The following AUTS2 variants were observed in gnomAD, a reference collection of about 807,000 sequenced individuals.
AUTS2 encodes activator of transcription and developmental regulator AUTS2, also known as autism susceptibility gene 2 protein.
In AUTS2, 17 loss-of-function variants were observed where a neutral mutation model predicts 112.4. The ratio of observed to expected loss-of-function variants is 0.15; its 90% CI spans 0.10 to 0.23. The LOEUF is 0.23. AUTS2 is among the 10% of genes least tolerant of loss of function. The pLI, the probability that AUTS2 is intolerant of heterozygous loss-of-function variation, is 1.00. For synonymous variants in AUTS2, 751 were observed against 702.7 expected (o/e 1.07, Z -1.09); for missense variants, 1,510 against 1,701.6 (o/e 0.89, Z 1.98).
chr7:70,313,488 G>A (rs1010389635), intron 4 of AUTS2, among the ~76,000 whole-genome samples: 3 of 152,186 alleles, frequency 2.0e-5, no homozygotes, highest in African/African-American at 4.8e-5. Flanking sequence ...CCATGACTAC[G>A]ATAGGTGGCA....
intron 1 of AUTS2, among the ~76,000 whole-genome samples, chr7:69,893,252 A>G (rs1029866882): frequency 1.2e-4 from 19 of 152,220 alleles, no homozygotes; most frequent in Admixed American, 2.0e-4. Context: ...CTTTCTAAAA[A>G]GTTTAGGCTC....
At chr7:70,697,561 C>T (rs1809186467) in intron 5 of AUTS2, among the ~76,000 whole-genome samples, 1 of 11,712 alleles carries the variant, frequency 8.5e-5, no homozygotes, top group Admixed American at 7.0e-4. Context: ...CTTCAGAATT[C>T]CCCCCCCCCA....
intron 1 of AUTS2, among the ~76,000 whole-genome samples, chr7:69,633,152 T>C (rs972497150): frequency 6.6e-6 from 1 of 152,192 alleles, no homozygotes; most frequent in Non-Finnish European, 1.5e-5. Context: ...TTGAAAAAAA[T>C]TTTTAAGATT....
At chr7:70,099,661 G>A (rs1386312762) in intron 2 of AUTS2, among the ~76,000 whole-genome samples, 1 of 152,082 alleles carries the variant, frequency 6.6e-6, no homozygotes, top group South Asian at 2.1e-4. Context: ...AAAAAGACAC[G>A]TTATGCCTCA....
intron 1 of AUTS2, among the ~76,000 whole-genome samples, chr7:69,732,350 A>G (rs1313114880): frequency 2.0e-5 from 3 of 151,936 alleles, no homozygotes; most frequent in Non-Finnish European, 4.4e-5. Flanking sequence ...ATTTAACCCT[A>G]CATGAGGAAG....
intron 2 of AUTS2, among the ~76,000 whole-genome samples, chr7:69,950,626 A>G (rs1217319176): frequency 1.3e-5 from 2 of 152,098 alleles, no homozygotes; most frequent in Admixed American, 1.3e-4. Flanking sequence ...AAGCATATTC[A>G]CAGTAGCTTT....
intron 2 of AUTS2, among the ~76,000 whole-genome samples, chr7:70,093,154 T>C (rs1804010609): frequency 6.6e-6 from 1 of 152,204 alleles, no homozygotes; most frequent in South Asian, 2.1e-4. Context: ...ATTAATCCCA[T>C]GATTCGTAGC....
At chr7:70,315,634 CT>C (rs1053046200) in intron 4 of AUTS2, among the ~76,000 whole-genome samples, 2 of 152,152 alleles carry the variant, frequency 1.3e-5, no homozygotes, top group African/African-American at 4.8e-5. Flanking sequence ...ATAACTATCC[CT>C]TTTTCCCAAA....
chr7:70,599,422 A>G (rs1803363139), intron 5 of AUTS2, among the ~76,000 whole-genome samples: 1 of 152,164 alleles, frequency 6.6e-6, no homozygotes, highest in Non-Finnish European at 1.5e-5. Context: ...GAGCTGGAGG[A>G]GTACTTTGAG....
At chr7:70,340,853 C>A (rs937021931) in intron 4 of AUTS2, among the ~76,000 whole-genome samples, 2 of 152,150 alleles carry the variant, frequency 1.3e-5, no homozygotes, top group Non-Finnish European at 2.9e-5. Context: ...ACTGCAAATT[C>A]TTTTTGGAAA....
rs925403008 is a variant in AUTS2 at position 70,716,997 on chromosome 7, T to A, written c.742+18377T>A. ...GGCTGGAAATCTCAGTGGAGTTATT[T>A]TTTTTTTTTTTTTTTTTATTACTGT... On this transcript the variant is annotated intron_variant, in intron 6 of 18. Coordinates refer to ENST00000342771, the MANE Select transcript of AUTS2 (RefSeq NM_015570.4). Among the ~76,000 whole-genome samples, 56 of 56,526 alleles carry A rather than the reference T, an allele frequency of 9.9e-4. 2 individuals carry two copies. In the South Asian group the frequency reaches 0.054, roughly 54 times the overall value. 37.1% of individuals were successfully genotyped at this position (56,526 alleles called of 152,430 possible).
chr7:70,007,510 GTGA>G (rs1293196950), intron 2 of AUTS2, among the ~76,000 whole-genome samples: 6 of 152,276 alleles, frequency 3.9e-5, no homozygotes, highest in Middle Eastern at 3.4e-3. Context: ...AGTAGTAGTG[GTGA>G]TGATAATGGC....
intron 4 of AUTS2, among the ~76,000 whole-genome samples, chr7:70,247,306 A>G (rs1360394369): frequency 6.6e-6 from 1 of 152,120 alleles, no homozygotes. Flanking sequence ...TCCAGTGCCT[A>G]CCACTGTCAA....
At chr7:70,738,315 G>A (rs765207953) in intron 6 of AUTS2, among the ~76,000 whole-genome samples, 4 of 151,676 alleles carry the variant, frequency 2.6e-5, no homozygotes, top group South Asian at 2.1e-4. Context: ...AGAAATGGGC[G>A]TTGCTGCTGG....
At chr7:70,341,594 A>C (rs1791266463) in intron 4 of AUTS2, among the ~76,000 whole-genome samples, 2 of 152,250 alleles carry the variant, frequency 1.3e-5, no homozygotes, top group East Asian at 3.8e-4. Flanking sequence ...GTTAGGACCC[A>C]GCTCTCATTA....
chr7:70,382,978 C>A (rs922285889), intron 4 of AUTS2, among the ~76,000 whole-genome samples: 1 of 152,160 alleles, frequency 6.6e-6, no homozygotes, highest in Non-Finnish European at 1.5e-5. Context: ...TGTGTGTATA[C>A]ACAATTTATG....
chr7:70,109,971 C>A (rs2129571178), intron 2 of AUTS2, among the ~76,000 whole-genome samples: 1 of 152,308 alleles, frequency 6.6e-6, no homozygotes. Context: ...TTTTACACTT[C>A]CATTTTCTTG....
intron 2 of AUTS2, among the ~76,000 whole-genome samples, chr7:69,918,908 A>G (rs1200906898): frequency 6.6e-6 from 1 of 152,180 alleles, no homozygotes; most frequent in African/African-American, 2.4e-5. Context: ...CAGGCGAACT[A>G]TTTTAGCAGA....
At chr7:69,783,169 C>T (rs1789220358) in intron 1 of AUTS2, among the ~76,000 whole-genome samples, 1 of 148,474 alleles carries the variant, frequency 6.7e-6, no homozygotes, top group Non-Finnish European at 1.5e-5. Context: ...AGCACCGCTG[C>T]TCCTGTGGCT....
Sources: allele counts gnomAD v4.1 joint callset (sites outside exome capture counted in the v4.1 genomes callset), GRCh38; gene constraint gnomAD v4.1.1; transcripts MANE v1.5; gene names NCBI Gene and HGNC (gene_info 2026-07-23, HGNC 2026-07-21).